USP24: variants seen among roughly 807,000 people sequenced by gnomAD.
USP24 encodes the protein ubiquitin specific peptidase 24.
Under a neutral mutation model 361.6 loss-of-function variants are expected in USP24, and 97 were observed. The ratio of observed to expected loss-of-function variants is 0.27; its 90% confidence interval spans 0.23 to 0.32. USP24 has a LOEUF of 0.32. USP24 is among the 10% of genes least tolerant of loss of function. USP24 has a pLI of 1.00. For missense variants in USP24, 2,353 were observed against 3,165.6 expected, an observed-to-expected ratio of 0.74 and a Z score of 6.16; for synonymous variants, 1,098 against 1,124.6, an observed-to-expected ratio of 0.98 and a Z score of 0.47.
intron 1 of USP24, among the ~76,000 whole-genome samples, chr1:55,182,754 A>AC (rs1644013243): frequency 6.6e-6 from 1 of 151,974 alleles, no homozygotes. Context: ...TCACTTTGTC[A>AC]CCCAGGCTGG....
chr1:55,096,653 A>G, intron 49 of USP24, 31 bp from the exon 50 acceptor site: 2 of 1,590,614 alleles, frequency 1.3e-6, no homozygotes, highest in Non-Finnish European at 1.7e-6. Context: ...AAACATTATA[A>G]GGTTAAAAAA....
chr1:55,153,840 T>A, intron 16 of USP24, 30 bp downstream of exon 16: 5 of 1,541,928 alleles, frequency 3.2e-6, no homozygotes, highest in Non-Finnish European at 4.4e-6. Flanking sequence ...CTAGTATACC[T>A]TTTAGTTGGT....
intron 10 of USP24, 59 bp downstream of exon 10, chr1:55,158,819 A>G (rs1647965056): frequency 6.1e-6 from 8 of 1,303,282 alleles, no homozygotes; most frequent in African/African-American, 1.5e-5. Flanking sequence ...ATAAGCATAC[A>G]TCTTGGCAGA....
rs1019783316 is a variant in USP24 at position 55,134,065 on chromosome 1, C to T, written c.3381+5G>A. The stretch of plus-strand genomic sequence containing the variant: ...ATTGCCATGCTAGTTAAAAAATACT[C>T]ATACCTTTCTTCCTAAAGAATCAAG... On this transcript the variant is annotated splice_donor_5th_base_variant and intron_variant, in intron 30 of 67. Coordinates refer to ENST00000294383, the MANE Select transcript of USP24 (RefSeq NM_015306.3). The T allele has an allele frequency of 2.5e-6, 4 of 1,612,340 alleles. No homozygotes were observed. Among genetic ancestry groups the T allele is most frequent in the Middle Eastern group, 3.3e-4 (2 of 6,076 alleles).
intron 5 of USP24, among the ~76,000 whole-genome samples, chr1:55,168,480 C>G (rs895838461): frequency 2.6e-5 from 4 of 152,034 alleles, no homozygotes; most frequent in Non-Finnish European, 5.9e-5. Flanking sequence ...TCCTGTGAGA[C>G]AGGCAGGAAG....
Position 55,075,464 on chromosome 1 carries a change from T to C in USP24, c.7440A>G (p.Gly2480=), listed in dbSNP as rs746416084. The part of the protein sequence containing the change: ...RVKFVFETEN[G]LLALMHHSNH... ...AAGACCAGGCATACTTGCCTAGTAA[T>C]CCATTTTCTGTCTCAAACACAAATT... is the stretch of plus-strand genomic sequence containing the variant. The change falls in exon 63 of 68, where the codon GGA becomes GGG. Residue 2480 remains glycine (G), a synonymous_variant. Transcript: ENST00000294383. 3 of 1,602,752 alleles carry C rather than the reference T, an allele frequency of 1.9e-6. No homozygotes were observed. Among genetic ancestry groups the C allele is most frequent in the Non-Finnish European group, 1.7e-6 (2 of 1,174,560 alleles).
chr1:55,115,075 G>C (rs540762866), intron 38 of USP24, among the ~76,000 whole-genome samples: 6 of 152,038 alleles, frequency 3.9e-5, no homozygotes, highest in South Asian at 2.1e-4. Flanking sequence ...TCGAAAAATG[G>C]GCAAAGGATA....
Position 55,157,711 on chromosome 1 carries a change from G to C in USP24, c.1228-341C>G, listed in dbSNP as rs529480571. 2.0e-5 allele frequency among the ~76,000 whole-genome samples: 3 copies of C among 152,026 alleles called. No homozygotes were observed. The East Asian group carries it at 5.8e-4, about 30-fold the overall frequency. ...TAGCTGGGCGTAGTCGTGGGCGCCT[G>C]TAATCCCAGTTACTCAGGAGGCTAA... is the stretch of plus-strand genomic sequence containing the variant. On this transcript the variant is annotated intron_variant, in intron 10 of 67. Coordinates refer to ENST00000294383, the MANE Select transcript of USP24 (RefSeq NM_015306.3).
At chr1:55,146,796 G>C in intron 19 of USP24, 133 bp downstream of exon 19, 1 of 966,482 alleles carries the variant, frequency 1.0e-6, no homozygotes, top group East Asian at 3.2e-5. Context: ...CATTTTTTCA[G>C]CACTTACAGT....
In USP24 at chr1:55,123,714, A is replaced by G; in HGVS notation, c.4121-112T>C. ...CATGTGACATTAAATACTTCAAGAAAGCACTTAGGTCCAAGAAGCAAGAGA... is the reference window on the plus strand; with the variant it reads ...CATGTGACATTAAATACTTCAAGAAGGCACTTAGGTCCAAGAAGCAAGAGA... On this transcript the variant is annotated intron_variant, in intron 35 of 67. Coordinates refer to ENST00000294383, the MANE Select transcript of USP24 (RefSeq NM_015306.3). 2.7e-6 allele frequency: 3 copies of G among 1,108,908 alleles called. No individual in the cohort carries two copies. In the South Asian group the frequency reaches 7.8e-5, roughly 29 times the overall value. The allele number at this position is 1,108,908 out of a possible 1,614,324, so 68.7% of individuals were successfully genotyped here.
intron 66 of USP24, 61 bp from the exon 67 acceptor site, chr1:55,071,985 G>T: frequency 1.4e-6 from 2 of 1,420,186 alleles, no homozygotes; most frequent in Non-Finnish European, 1.9e-6. Context: ...AGCAGCAACC[G>T]CCAGGGAAGA....
chr1:55,213,113 T>C (rs1644888885), intron 1 of USP24, among the ~76,000 whole-genome samples: 1 of 152,218 alleles, frequency 6.6e-6, no homozygotes, highest in African/African-American at 2.4e-5. Flanking sequence ...TGCAGAGTTA[T>C]ACAAACACCT....
chr1:55,077,834 C>T (rs938964674), intron 61 of USP24, among the ~76,000 whole-genome samples: 1 of 152,222 alleles, frequency 6.6e-6, no homozygotes, highest in African/African-American at 2.4e-5. Flanking sequence ...ACCACACTTC[C>T]AAGAGGCCAG....
chr1:55,076,701 T>G (rs1478275366), intron 62 of USP24, among the ~76,000 whole-genome samples: 2 of 152,190 alleles, frequency 1.3e-5, no homozygotes, highest in African/African-American at 4.8e-5. Context: ...ACTCCATCCT[T>G]CAATACAACT....
chr1:55,164,004 C>T (rs188264942), intron 7 of USP24, among the ~76,000 whole-genome samples: 40 of 151,982 alleles, frequency 2.6e-4, no homozygotes, highest in Admixed American at 2.2e-3. Context: ...AATAGTTGCA[C>T]GTACATGAAG....
intron 38 of USP24, among the ~76,000 whole-genome samples, chr1:55,111,226 C>T (rs546248154): frequency 4.0e-5 from 6 of 151,684 alleles, no homozygotes; most frequent in African/African-American, 4.8e-5. Flanking sequence ...AGCTGTGAGA[C>T]GTAATTTTTT....
At chr1:55,212,747 C>T (rs951551096) in intron 1 of USP24, among the ~76,000 whole-genome samples, 2 of 152,198 alleles carry the variant, frequency 1.3e-5, no homozygotes, top group African/African-American at 4.8e-5. Context: ...GGTAAAGCAG[C>T]CTCAGTCACC....
intron 17 of USP24, 134 bp downstream of exon 17, chr1:55,148,329 T>C: frequency 1.7e-6 from 1 of 598,646 alleles, no homozygotes; most frequent in Non-Finnish European, 2.7e-6. Context: ...AAACTCAAGA[T>C]TATTAGATGA....
rs749656072 is a variant in USP24, at chr1:55,120,657, T to C, written c.4447A>G (p.Ile1483Val). Residue 1483 changes from isoleucine to valine, a missense_variant, in exon 38 of 68, where the codon ATC (isoleucine) becomes GTC (valine). By Grantham distance (29) the Ile-to-Val change is conservative (BLOSUM62 3). Coordinates refer to ENST00000294383, the MANE Select transcript of USP24 (RefSeq NM_015306.3). ...CAGAGAGGCAGCTGAGCCGTGAGGA[T>C]TACGCCTAGAAGAAACTGATTTGGC... ...QKPNQFLLGV[I>V]LTAQLPLWSP... is the part of the protein sequence containing the mutation. The C allele has an allele frequency of 2.5e-5, 39 of 1,561,868 alleles. No individual in the cohort carries two copies. Among genetic ancestry groups the C allele is most frequent in the Non-Finnish European group, 3.2e-5 (37 of 1,151,950 alleles).
Sources: allele counts gnomAD v4.1 joint callset (sites outside exome capture counted in the v4.1 genomes callset), GRCh38; gene constraint gnomAD v4.1.1; transcripts MANE v1.5; gene names NCBI Gene and HGNC (gene_info 2026-07-23, HGNC 2026-07-21).